DMBT1: variants seen among roughly 807,000 people sequenced by gnomAD.
DMBT1 encodes deleted in malignant brain tumors 1, also known as scavenger receptor cysteine-rich domain-containing protein DMBT1.
In DMBT1, 198 loss-of-function variants were observed where a neutral mutation model predicts 252.9. That is an observed-to-expected ratio of 0.78 (90% CI 0.70 to 0.88). The LOEUF is 0.88. DMBT1 is among the 40% of genes least tolerant of loss of function. The pLI is 0.00. For synonymous variants in DMBT1, 990 were observed against 942.7 expected (o/e 1.05, Z -0.92); for missense variants, 2,432 against 2,404.7 (o/e 1.01, Z -0.24).
chr10:122,585,515 G>A (rs1178930765), intron 15 of DMBT1, among the ~76,000 whole-genome samples: 3 of 147,888 alleles, frequency 2.0e-5, no homozygotes, highest in African/African-American at 7.3e-5. Context: ...TTCTCCCGTG[G>A]AATCCTGTTC....
intron 1 of DMBT1, among the ~76,000 whole-genome samples, chr10:122,564,629 T>G (rs7477821): frequency 0.67 from 101,056 of 150,984 alleles, 34,164 homozygotes; most frequent in East Asian, 0.77. Flanking sequence ...TACCATCACA[T>G]GTATTTTTTT....
rs1026422114 is a variant in DMBT1, at chr10:122,580,710, A to T, written c.1004-156A>T. 2.0e-5 allele frequency among the ~76,000 whole-genome samples: 3 copies of T among 151,896 alleles called. No homozygotes were observed. In the East Asian group the frequency reaches 5.8e-4, roughly 29 times the overall value. On this transcript the variant is annotated intron_variant, in intron 10 of 55. Coordinates refer to ENST00000338354, the MANE Select transcript of DMBT1 (RefSeq NM_001377530.1). ...TCTGCCTCGACCCCTTACACGGTGC[A>T]TCTCTGTGGGGATGTGCATGGCAAT...
chr10:122,571,587 T>A (rs2981797), intron 4 of DMBT1, among the ~76,000 whole-genome samples: 104,613 of 152,144 alleles, frequency 0.69, 36,177 homozygotes, highest in East Asian at 0.78. Context: ...AGCAAATCCC[T>A]GTGCTGATTT....
intron 53 of DMBT1, among the ~76,000 whole-genome samples, chr10:122,636,730 A>G (rs1219956581): frequency 1.3e-5 from 2 of 152,274 alleles, no homozygotes; most frequent in Non-Finnish European, 2.9e-5. Flanking sequence ...GGTGACATCC[A>G]GGGTCTCTTA....
At chr10:122,579,998 T>G in intron 10 of DMBT1, 97 bp downstream of exon 10, 1 of 1,570,806 alleles carries the variant, frequency 6.4e-7, no homozygotes, top group East Asian at 2.2e-5. Context: ...AAAGCTTCTA[T>G]GTTTTCTATG....
rs1398322847 is a variant in DMBT1 at position 122,564,659 on chromosome 10, G to T, written c.62-1308G>T. ...TTTTTTTTTTTAGCAAAATAAGATGGTTGAAGTTCTTGTTGCAAAATATCA... is the reference window on the plus strand; with the variant it reads ...TTTTTTTTTTTAGCAAAATAAGATGTTTGAAGTTCTTGTTGCAAAATATCA... On this transcript the variant is annotated intron_variant, in intron 1 of 55. Transcript: ENST00000338354. 2.0e-5 allele frequency among the ~76,000 whole-genome samples: 3 copies of T among 151,744 alleles called. No individual in the cohort carries two copies. In the East Asian group the frequency reaches 5.8e-4, roughly 29 times the overall value.
Position 122,598,837 on chromosome 10 carries a change from A to T in DMBT1, c.3020A>T (p.Glu1007Val). The T allele has an allele frequency of 6.2e-7, 1 of 1,613,648 alleles. No homozygotes were observed. The highest frequency in any genetic ancestry group is 8.5e-7 in the Non-Finnish European group (1 of 1,179,744). ...GGTGACAGGTGTCAGGGCCGAGTGG[A>T]GGTCCTATACCAAGGCTCCTGGGGC... ...NGGDRCQGRV[E>V]VLYQGSWGTV... The change falls in exon 26 of 56, where the codon GAG becomes GTG. Residue 1007 changes from glutamate (E) to valine (V), a missense_variant. Transcript: ENST00000338354.
At chr10:122,643,050 A>C in intron 55 of DMBT1, 72 bp from the exon 56 acceptor site, 11 of 1,569,402 alleles carry the variant, frequency 7.0e-6, no homozygotes, top group Non-Finnish European at 9.5e-6. Context: ...GGAGTTCCTC[A>C]CCTGGTACAA....
At position 122,634,646 on chromosome 10, in the gene DMBT1, G is replaced by A. The variant is rs1015570781; in HGVS notation, c.6548+1305G>A. Among the ~76,000 whole-genome samples the A allele has an allele frequency of 5.3e-5, 8 of 151,738 alleles. No individual in the cohort carries two copies. The East Asian group carries it at 9.6e-4, about 18-fold the overall frequency. ...CAAGTAGCTGGGCTTACAGGCACAC[G>A]CCACAATGCCTGGCTAATTTTTGTA... On this transcript the variant is annotated intron_variant, in intron 52 of 55. Transcript: ENST00000338354.
chr10:122,631,760 G>T (rs1466409726), intron 49 of DMBT1, 95 bp from the exon 50 acceptor site: 1 of 1,431,660 alleles, frequency 7.0e-7, no homozygotes, highest in Non-Finnish European at 9.8e-7. Flanking sequence ...AGGGGGGTCA[G>T]GTTATGGGCC....
Position 122,560,934 on chromosome 10 carries a change from G to A in DMBT1, c.61+103G>A, listed in dbSNP as rs987119120. The A allele has an allele frequency of 4.3e-5, 35 of 820,408 alleles. 2 individuals are homozygous for A. In the Middle Eastern group the frequency reaches 9.7e-4, roughly 23 times the overall value. The allele number at this position is 820,408 out of a possible 1,614,324, so 50.8% of individuals were successfully genotyped here. ...ATTACAAGGGAAGTTTTATATCAAAGAGTGGGTAGCACTTTGCTGATAATT... is the reference window on the plus strand; with the variant it reads ...ATTACAAGGGAAGTTTTATATCAAAAAGTGGGTAGCACTTTGCTGATAATT... On this transcript the variant is annotated intron_variant, in intron 1 of 55. Coordinates refer to ENST00000338354, the MANE Select transcript of DMBT1 (RefSeq NM_001377530.1).
intron 9 of DMBT1, among the ~76,000 whole-genome samples, chr10:122,579,131 G>T (rs1168842202): frequency 1.3e-5 from 2 of 152,030 alleles, no homozygotes; most frequent in African/African-American, 4.8e-5. Context: ...TGTTCCAAGT[G>T]GTCAGAAAAG....
At chr10:122,627,152 T>G (rs1176037740) in intron 46 of DMBT1, among the ~76,000 whole-genome samples, 1 of 152,242 alleles carries the variant, frequency 6.6e-6, no homozygotes, top group Non-Finnish European at 1.5e-5. Context: ...TTATCTTTTC[T>G]GCCAAACTGC....
Position 122,598,803 on chromosome 10 carries a change from G to T in DMBT1, c.2986G>T (p.Val996Leu). The change falls in exon 26 of 56, where the codon GTG becomes TTG. Residue 996 changes from valine to leucine, a missense_variant. Coordinates refer to ENST00000338354, the MANE Select transcript of DMBT1 (RefSeq NM_001377530.1). Reference sequence around the variant, plus strand: ...TGAATCCAGTTTGGCCCTGAGGCTGGTGAATGGAGGTGACAGGTGTCAGGG... The same window carrying T: ...TGAATCCAGTTTGGCCCTGAGGCTGTTGAATGGAGGTGACAGGTGTCAGGG... ...GSESSLALRL[V>L]NGGDRCQGRV... 6.2e-7 allele frequency: 1 copy of T among 1,613,504 alleles called. No homozygotes were observed. The highest frequency in any genetic ancestry group is 2.2e-5 in the East Asian group (1 of 44,874).
At chr10:122,592,056 G>C (rs558056920) in intron 19 of DMBT1, among the ~76,000 whole-genome samples, 7 of 148,666 alleles carry the variant, frequency 4.7e-5, no homozygotes, top group African/African-American at 1.7e-4. Context: ...GGTCACAGGC[G>C]CTTTCCCAAA....
intron 17 of DMBT1, among the ~76,000 whole-genome samples, chr10:122,589,619 G>T (rs1023937266): frequency 7.4e-5 from 11 of 148,498 alleles, no homozygotes; most frequent in African/African-American, 2.7e-4. Flanking sequence ...TTGGGTCTTG[G>T]CTTTGCAGGC....
intron 8 of DMBT1, among the ~76,000 whole-genome samples, chr10:122,578,475 A>G (rs1178883592): frequency 6.6e-6 from 1 of 152,052 alleles, no homozygotes; most frequent in Admixed American, 6.6e-5. Context: ...GGGGGTGGTG[A>G]AGGTTTCCTA....
chr10:122,619,451 T>A (rs1045523978), intron 42 of DMBT1, 114 bp downstream of exon 42: 1 of 1,405,070 alleles, frequency 7.1e-7, no homozygotes, highest in African/African-American at 1.4e-5. Flanking sequence ...GGCATATTAT[T>A]TTTCCTCCCA....
chr10:122,629,915 A>G lies in DMBT1; in HGVS notation c.5744A>G (p.Tyr1915Cys), dbSNP rs776750032. Residue 1915 changes from tyrosine to cysteine, a missense_variant, in exon 47 of 56, where the codon TAC (tyrosine) becomes TGC (cysteine). Physicochemically the swap from Tyr to Cys is radical, Grantham distance 194. Around this residue, in one of 3 missense-constraint regions of DMBT1, gnomAD observed 1,162 missense variants for 1,169.0 expected, o/e 0.99. Coordinates refer to ENST00000338354, the MANE Select transcript of DMBT1 (RefSeq NM_001377530.1). Reference sequence around the variant, plus strand: ...TCCAGCCCATCCTACCCTGCATACTACCCCAACAATGCTAAGTGTGTTTGG... The same window carrying G: ...TCCAGCCCATCCTACCCTGCATACTGCCCCAACAATGCTAAGTGTGTTTGG... ...TFSSPSYPAY[Y>C]PNNAKCVWEI... 2 of 1,613,732 alleles carry G rather than the reference A, an allele frequency of 1.2e-6. No individual in the cohort carries two copies. The highest frequency in any genetic ancestry group is 2.7e-5 in the African/African-American group (2 of 74,856).
Sources: gnomAD v4.1 joint callset for allele counts (sites outside exome capture counted in the v4.1 genomes callset) on GRCh38, gnomAD v4.1.1 for gene constraint, gnomAD v4.1.1 regional missense constraint, MANE v1.5 for transcripts, NCBI Gene and HGNC (gene_info 2026-07-23, HGNC 2026-07-21) for gene names.